FHIT: variants seen among roughly 807,000 people sequenced by gnomAD.
FHIT encodes bis(5'-adenosyl)-triphosphatase.
A neutral mutation model predicts 17.9 loss-of-function variants in FHIT; 19 were observed. The ratio of observed to expected loss-of-function variants is 1.06; its 90% CI spans 0.74 to 1.56. FHIT has a LOEUF of 1.56. Among genes scored for constraint, FHIT ranks in the 40% most tolerant of loss-of-function variants. The pLI, the probability that FHIT is intolerant of heterozygous loss-of-function variation, is 0.00. For synonymous variants in FHIT, 81 were observed against 69.7 expected (o/e 1.16, Z -0.81); for missense variants, 248 against 189.2 (o/e 1.31, Z -1.82).
chr3:60,329,939 C>T (rs1299181299), intron 5 of FHIT, among the ~76,000 whole-genome samples: 1 of 152,116 alleles, frequency 6.6e-6, no homozygotes, highest in South Asian at 2.1e-4. Flanking sequence ...AGAAAAAAGA[C>T]AAACAGGAAA....
chr3:60,687,685 G>C (rs1314983418), intron 4 of FHIT, among the ~76,000 whole-genome samples: 1 of 151,722 alleles, frequency 6.6e-6, no homozygotes, highest in African/African-American at 2.4e-5. Context: ...AATCATCTTT[G>C]TTAGATTATT....
chr3:60,125,983 C>T, intron 5 of FHIT, among the ~76,000 whole-genome samples: 1 of 152,132 alleles, frequency 6.6e-6, no homozygotes, highest in East Asian at 1.9e-4. Flanking sequence ...CTGTTCTGTG[C>T]TGCAGAAGGC....
At chr3:60,091,357 G>C (rs1427732687) in intron 5 of FHIT, among the ~76,000 whole-genome samples, 14 of 152,194 alleles carry the variant, frequency 9.2e-5, no homozygotes, top group Admixed American at 9.2e-4. Flanking sequence ...AGACTTTCTA[G>C]AGTTGTAAGC....
At chr3:60,101,046 C>T (rs920359933) in intron 5 of FHIT, among the ~76,000 whole-genome samples, 6 of 152,160 alleles carry the variant, frequency 3.9e-5, no homozygotes, top group Non-Finnish European at 8.8e-5. Flanking sequence ...TCAAAGTCTA[C>T]CCCCTAGGCC....
intron 8 of FHIT, among the ~76,000 whole-genome samples, chr3:59,804,546 A>G (rs1275179911): frequency 1.3e-5 from 2 of 152,244 alleles, no homozygotes; most frequent in Non-Finnish European, 2.9e-5. Context: ...ATAGGGGCTC[A>G]AGGGCCCCGT....
At chr3:60,718,910 C>T (rs1345677813) in intron 4 of FHIT, among the ~76,000 whole-genome samples, 2 of 152,172 alleles carry the variant, frequency 1.3e-5, no homozygotes, top group African/African-American at 4.8e-5. Context: ...TACTTTGATG[C>T]TTTTTTATTT....
chr3:60,713,768 A>C (rs1415826567), intron 4 of FHIT, among the ~76,000 whole-genome samples: 15 of 152,148 alleles, frequency 9.9e-5, no homozygotes, highest in South Asian at 4.2e-4. Context: ...CAATAACAGG[A>C]TCTGAAATTG....
chr3:60,379,521 T>C (rs1482978796), intron 5 of FHIT, among the ~76,000 whole-genome samples: 2 of 152,202 alleles, frequency 1.3e-5, no homozygotes, highest in African/African-American at 2.4e-5. Flanking sequence ...TAGAGATAGT[T>C]TTCTTTCCAT....
chr3:60,652,420 G>A (rs910015698), intron 4 of FHIT, among the ~76,000 whole-genome samples: 13 of 151,954 alleles, frequency 8.6e-5, no homozygotes, highest in South Asian at 2.1e-4. Context: ...TGGTCAACAC[G>A]GTGAAATCCC....
intron 5 of FHIT, among the ~76,000 whole-genome samples, chr3:60,266,658 G>A (rs1056397605): frequency 4.6e-5 from 7 of 152,016 alleles, no homozygotes; most frequent in African/African-American, 1.2e-4. Flanking sequence ...AGGAGATTGC[G>A]ACACCCCCTC....
At chr3:60,606,475 A>G (rs913803067) in intron 4 of FHIT, among the ~76,000 whole-genome samples, 1 of 152,082 alleles carries the variant, frequency 6.6e-6, no homozygotes, top group African/African-American at 2.4e-5. Flanking sequence ...TCCTGAGTTC[A>G]GGCAATCTGC....
intron 7 of FHIT, among the ~76,000 whole-genome samples, chr3:59,970,122 C>A (rs2107380166): frequency 6.6e-6 from 1 of 152,160 alleles, no homozygotes; most frequent in African/African-American, 2.4e-5. Flanking sequence ...CCCAAGTTTA[C>A]CTCTGGCAAG....
chr3:59,955,595 T>C (rs895259805), intron 7 of FHIT, among the ~76,000 whole-genome samples: 6 of 152,174 alleles, frequency 3.9e-5, no homozygotes, highest in Non-Finnish European at 7.3e-5. Context: ...GTGGAAGTCA[T>C]AGAAGAGTCT....
chr3:60,930,495 A>C (rs1340276531), intron 3 of FHIT, among the ~76,000 whole-genome samples: 1 of 152,240 alleles, frequency 6.6e-6, no homozygotes, highest in Admixed American at 6.5e-5. Flanking sequence ...TCCAGAATCT[A>C]CAAAGAATCA....
chr3:59,827,942 C>T (rs1701032957), intron 8 of FHIT, among the ~76,000 whole-genome samples: 1 of 152,178 alleles, frequency 6.6e-6, no homozygotes, highest in South Asian at 2.1e-4. Context: ...TCATAAATTG[C>T]TCATCTCGAG....
chr3:61,139,277 C>G (rs1359054381), intron 2 of FHIT, among the ~76,000 whole-genome samples: 1 of 152,150 alleles, frequency 6.6e-6, no homozygotes, highest in Non-Finnish European at 1.5e-5. Flanking sequence ...GATCTGCCCG[C>G]CTCGGCCTCC....
intron 5 of FHIT, among the ~76,000 whole-genome samples, chr3:60,473,848 G>A (rs376717735): frequency 2.7e-4 from 41 of 152,024 alleles, no homozygotes; most frequent in African/African-American, 8.2e-4. Context: ...ACTTGAACCC[G>A]GGAGGAGGAG....
chr3:60,958,243 T>TC (rs1709263053), intron 3 of FHIT, among the ~76,000 whole-genome samples: 1 of 152,186 alleles, frequency 6.6e-6, no homozygotes, highest in Admixed American at 6.5e-5. Context: ...TAGATATAAA[T>TC]ATACCTGGTA....
rs552843900 is a variant in FHIT, at chr3:60,804,089, G to A, written c.-18+17830C>T. Among the ~76,000 whole-genome samples, 26 of 152,232 alleles carry A rather than the reference G, an allele frequency of 1.7e-4. No individual in the cohort carries two copies. In the South Asian group the frequency reaches 4.6e-3, roughly 27 times the overall value. On this transcript the variant is annotated intron_variant, in intron 4 of 9. Coordinates refer to ENST00000492590, the MANE Select transcript of FHIT (RefSeq NM_002012.4). ...TAAGAATGTAACCCCGGAAGGCAGC[G>A]GAGGCAGAAAAGCTCCTTTCATAAC...
Sources: allele counts gnomAD v4.1 joint callset (sites outside exome capture counted in the v4.1 genomes callset), GRCh38; gene constraint gnomAD v4.1.1; transcripts MANE v1.5; gene names NCBI Gene and HGNC (gene_info 2026-07-23, HGNC 2026-07-21).